Variants in SLC16A2 observed in about 807,000 individuals in gnomAD.
The protein encoded by SLC16A2 is solute carrier family 16 member 2.
Under a neutral mutation model 27.2 loss-of-function variants are expected in SLC16A2, and 3 were observed. The ratio of observed to expected loss-of-function variants is 0.11; its 90% confidence interval spans 0.05 to 0.28. The LOEUF (loss-of-function observed/expected upper bound fraction) is 0.28, where lower values mean the gene tolerates loss of function less well. SLC16A2 is among the 10% of genes least tolerant of loss of function. The pLI is 1.00. For synonymous variants in SLC16A2, 202 were observed against 187.8 expected (o/e 1.08, Z -0.62); for missense variants, 295 against 458.5 (o/e 0.64, Z 3.26).
At chrX:74,430,787 G>A (rs1163773355) in intron 1 of SLC16A2, among the ~76,000 whole-genome samples, 2 of 112,574 alleles carry the variant, frequency 1.8e-5, no homozygotes, top group African/African-American at 6.5e-5. Flanking sequence ...TGTCACCCAG[G>A]CTGGAGTGCA....
intron 1 of SLC16A2, among the ~76,000 whole-genome samples, chrX:74,514,808 C>T (rs988096002): frequency 2.9e-4 from 32 of 112,002 alleles, no homozygotes; most frequent in African/African-American, 1.0e-3. Context: ...CCCACCCCTG[C>T]TCAGCAATAA....
At chrX:74,430,388 T>G (rs554334700) in intron 1 of SLC16A2, among the ~76,000 whole-genome samples, 1 of 111,518 alleles carries the variant, frequency 9.0e-6, no homozygotes, top group South Asian at 3.8e-4. Context: ...AGTTTTTCAT[T>G]CCTGTACCTT....
At chrX:74,453,975 C>G (rs1291491907) in intron 1 of SLC16A2, among the ~76,000 whole-genome samples, 1 of 111,929 alleles carries the variant, frequency 8.9e-6, no homozygotes, top group African/African-American at 3.3e-5. Context: ...TATCCATCAC[C>G]TCAAACATTT....
chrX:74,479,130 G>A (rs1929557554), intron 1 of SLC16A2, among the ~76,000 whole-genome samples: 1 of 112,036 alleles, frequency 8.9e-6, no homozygotes, highest in Non-Finnish European at 1.9e-5. Flanking sequence ...CCAATCAGAT[G>A]TAGATTTGGT....
intron 2 of SLC16A2, among the ~76,000 whole-genome samples, chrX:74,522,005 T>C (rs964459105): frequency 1.8e-5 from 2 of 112,027 alleles, no homozygotes; most frequent in African/African-American, 3.2e-5. Context: ...CTGAGGAATA[T>C]GGAATTCCTA....
At chrX:74,501,936 A>C (rs1218984461) in intron 1 of SLC16A2, among the ~76,000 whole-genome samples, 1 of 111,755 alleles carries the variant, frequency 8.9e-6, no homozygotes, top group Non-Finnish European at 1.9e-5. Flanking sequence ...CATTGTGCAC[A>C]TGTACCCTAG....
At chrX:74,525,954 C>A (rs1423719732) in intron 4 of SLC16A2, 61 bp downstream of exon 4, 47 of 1,149,274 alleles carry the variant, frequency 4.1e-5, no homozygotes, top group Non-Finnish European at 5.6e-5. Context: ...CAAGGTTATC[C>A]ACAGCCTTTG....
intron 1 of SLC16A2, among the ~76,000 whole-genome samples, chrX:74,490,117 G>A (rs1002470136): frequency 3.6e-5 from 4 of 109,952 alleles, no homozygotes; most frequent in Non-Finnish European, 7.6e-5. Flanking sequence ...TGTTATCTCA[G>A]TAGAAAGGTA....
intron 1 of SLC16A2, among the ~76,000 whole-genome samples, chrX:74,437,315 T>C (rs1928646151): frequency 8.9e-6 from 1 of 112,495 alleles, no homozygotes; most frequent in South Asian, 3.7e-4. Context: ...TTCAGATGAC[T>C]GAGCATGGTC....
chrX:74,490,522 C>G (rs1602129448), intron 1 of SLC16A2, among the ~76,000 whole-genome samples: 1 of 111,000 alleles, frequency 9.0e-6, no homozygotes, highest in East Asian at 2.9e-4. Context: ...CTAAGCCCCT[C>G]CAGGAGGGCT....
At chrX:74,489,884 T>A (rs1475141698) in intron 1 of SLC16A2, among the ~76,000 whole-genome samples, 1 of 109,332 alleles carries the variant, frequency 9.1e-6, no homozygotes, top group Non-Finnish European at 1.9e-5. Flanking sequence ...AGAGAGAAAG[T>A]CTGGTGTGCT....
At position 74,524,460 on chromosome X, in the gene SLC16A2, G is replaced by A. The variant is rs764282182; in HGVS notation, c.677G>A (p.Arg226His). Residue 226 changes from arginine (R) to histidine (H), a missense_variant, in exon 3 of 6, where the codon CGC becomes CAC. Physicochemically the swap from Arg to His is conservative, Grantham distance 29. This residue lies in a region of SLC16A2 where 59 missense variants were observed against 153.6 expected (regional missense o/e 0.38). Coordinates refer to ENST00000587091, the MANE Select transcript of SLC16A2 (RefSeq NM_006517.5). ...SLVILGHYFQ[R>H]RLGLANGVVS... ...GTCATCCTGGGCCACTACTTTCAAC[G>A]CCGCCTGGGTCTGGCCAATGGTGTG... 1.5e-5 allele frequency: 18 copies of A among 1,211,629 alleles called. No individual in the cohort carries two copies. The highest frequency in any genetic ancestry group is 1.8e-5 in the Non-Finnish European group (16 of 895,475).
intron 1 of SLC16A2, among the ~76,000 whole-genome samples, chrX:74,501,734 G>T (rs779686650): frequency 2.7e-5 from 3 of 111,446 alleles, no homozygotes; most frequent in African/African-American, 9.8e-5. Flanking sequence ...TCTCTTCAAA[G>T]TGTTCCCCAA....
At chrX:74,468,588 A>C (rs1235861250) in intron 1 of SLC16A2, among the ~76,000 whole-genome samples, 1 of 108,374 alleles carries the variant, frequency 9.2e-6, no homozygotes, top group Non-Finnish European at 1.9e-5. Flanking sequence ...AGTCCAGTAC[A>C]AGTTTTTAAA....
chrX:74,474,647 A>T (rs1196678192), intron 1 of SLC16A2, among the ~76,000 whole-genome samples: 3 of 109,645 alleles, frequency 2.7e-5, no homozygotes, highest in African/African-American at 1.0e-4. Flanking sequence ...ACCCCACAAC[A>T]GGCCCTGGTG....
At chrX:74,425,655 C>T (rs1928389938) in intron 1 of SLC16A2, among the ~76,000 whole-genome samples, 1 of 110,663 alleles carries the variant, frequency 9.0e-6, no homozygotes, top group Non-Finnish European at 1.9e-5. Context: ...TTGTAGGCCC[C>T]AGCTCAATAT....
At chrX:74,447,226 A>T (rs1184546693) in intron 1 of SLC16A2, among the ~76,000 whole-genome samples, 1 of 112,392 alleles carries the variant, frequency 8.9e-6, no homozygotes, top group East Asian at 2.8e-4. Flanking sequence ...TTCAAATAAA[A>T]GTTTGTCCAA....
intron 1 of SLC16A2, among the ~76,000 whole-genome samples, chrX:74,485,579 AG>A (rs755495261): frequency 9.0e-6 from 1 of 111,115 alleles, no homozygotes; most frequent in Admixed American, 9.6e-5. Context: ...GCCACTCCCA[AG>A]ATGGCAGCAA....
At chrX:74,445,180 G>C (rs775774139) in intron 1 of SLC16A2, among the ~76,000 whole-genome samples, 2 of 111,983 alleles carry the variant, frequency 1.8e-5, no homozygotes, top group East Asian at 5.6e-4. Context: ...TTGCGTGTGT[G>C]TGTGTGTGCT....
Sources: allele counts gnomAD v4.1 joint callset (sites outside exome capture counted in the v4.1 genomes callset), GRCh38; gene constraint gnomAD v4.1.1; regional missense constraint gnomAD v4.1.1; transcripts MANE v1.5; gene names NCBI Gene and HGNC (gene_info 2026-07-23, HGNC 2026-07-21).